ELOA: variants seen among roughly 807,000 people sequenced by gnomAD.
The protein encoded by ELOA is elongin A, also known as elongin-A.
In ELOA, 15 loss-of-function variants were observed where a neutral mutation model predicts 85.2. The observed-to-expected ratio is 0.18, with a 90% CI of 0.12 to 0.27. The LOEUF is 0.27. Among genes scored for constraint, ELOA ranks in the 10% least tolerant of loss-of-function variants. The pLI, the probability that ELOA is intolerant of heterozygous loss-of-function variation, is 1.00. For synonymous variants in ELOA, 348 were observed against 357.2 expected, an observed-to-expected ratio of 0.97 and a Z score of 0.29; for missense variants, 769 against 952.7, an observed-to-expected ratio of 0.81 and a Z score of 2.54.
intron 8 of ELOA, 49 bp downstream of exon 8, chr1:23,756,072 G>C: frequency 6.3e-7 from 1 of 1,591,162 alleles, no homozygotes; most frequent in South Asian, 1.1e-5. Flanking sequence ...TGAGTGTTCT[G>C]GTCAATAGCA....
Position 23,754,127 on chromosome 1 carries a change from A to C in ELOA, c.1565A>C (p.Glu522Ala), listed in dbSNP as rs144826294. 374 of 1,614,202 alleles carry C rather than the reference A, an allele frequency of 2.3e-4. 3 individuals carry two copies. Among genetic ancestry groups the C allele is most frequent in the African/African-American group, 1.6e-3 (119 of 75,050 alleles). The stretch of plus-strand genomic sequence containing the variant: ...TTCTCTTCACCCCAGGAAGAAGAAG[A>C]AGCTGGATTTACTGGGCGCAGAATG... ...KAFSSPQEEE[E>A]AGFTGRRMNS... The change falls in exon 6 of 11, where the codon GAA (glutamate) becomes GCA (alanine). Residue 522 changes from glutamate (E) to alanine (A), a missense_variant. Glu to Ala is a moderately radical substitution (Grantham distance 107). Coordinates refer to ENST00000613537, the MANE Select transcript of ELOA (RefSeq NM_003198.3).
Position 23,756,269 on chromosome 1 carries a change from C to A in ELOA, c.1973-5C>A. The stretch of plus-strand genomic sequence containing the variant: ...AGGCAGATGTTCATCTCCATAATTC[C>A]ACAGGCCGACAAGCAAAGATGGCCT... On this transcript the variant is annotated splice_polypyrimidine_tract_variant and splice_region_variant and intron_variant, in intron 8 of 10. Transcript: ENST00000613537. 1.3e-6 allele frequency: 2 copies of A among 1,551,638 alleles called. No homozygotes were observed. Among genetic ancestry groups the A allele is most frequent in the Non-Finnish European group, 1.7e-6 (2 of 1,148,356 alleles).
At chr1:23,746,058 G>A (rs1486339937) in intron 1 of ELOA, among the ~76,000 whole-genome samples, 1 of 151,738 alleles carries the variant, frequency 6.6e-6, no homozygotes, top group East Asian at 1.9e-4. Flanking sequence ...GGAGGCCGAG[G>A]TGAGTAGATC....
chr1:23,746,033 A>G (rs1357241755), intron 1 of ELOA, among the ~76,000 whole-genome samples: 1 of 152,156 alleles, frequency 6.6e-6, no homozygotes, highest in Non-Finnish European at 1.5e-5. Context: ...TCACACCTGT[A>G]ATCCCAGCAC....
At chr1:23,749,217 A>G in intron 2 of ELOA, 140 bp downstream of exon 2, 3 of 742,666 alleles carry the variant, frequency 4.0e-6, no homozygotes, top group South Asian at 3.5e-5. Flanking sequence ...GTCTGATTCC[A>G]TTTATATGAA....
At position 23,754,403 on chromosome 1, in the gene ELOA, A is replaced by T; in HGVS notation, c.1734A>T (p.Glu578Asp). 6.2e-7 allele frequency: 1 copy of T among 1,614,006 alleles called. No homozygotes were observed. Among genetic ancestry groups the T allele is most frequent in the Non-Finnish European group, 8.5e-7 (1 of 1,179,994 alleles). The change falls in exon 7 of 11, where the codon GAA becomes GAT. Residue 578 changes from glutamate (E) to aspartate (D), a missense_variant. Glu to Asp is a conservative substitution (Grantham distance 45). Transcript: ENST00000613537. The stretch of plus-strand genomic sequence containing the variant: ...GAGGAGTCCCATACTCTGTTCTTGA[A>T]CCCGTTTTGGAGAGGTGTACACCTG... ...EVGGVPYSVLEPVLERCTPDQ... is the reference protein window; with the variant it reads ...EVGGVPYSVLDPVLERCTPDQ...
intron 4 of ELOA, 29 bp from the exon 5 acceptor site, chr1:23,752,378 C>T (rs1644775225): frequency 6.2e-7 from 1 of 1,600,148 alleles, no homozygotes; most frequent in Non-Finnish European, 8.6e-7. Context: ...TACTCACTGA[C>T]TCTCCACCCA....
In ELOA at chr1:23,751,571, C is replaced by T; in HGVS notation, c.966C>T (p.Asp322=). The T allele has an allele frequency of 1.2e-6, 2 of 1,614,166 alleles. No individual in the cohort carries two copies. Among genetic ancestry groups the T allele is most frequent in the Non-Finnish European group, 1.7e-6 (2 of 1,180,034 alleles). The stretch of plus-strand genomic sequence containing the variant: ...TGCCTCCCTCAGAGGCCGCTTCAGA[C>T]AACCACCTGAAAAAGCCAAAGCACA... ...KCLPPSEAAS[D]NHLKKPKHRD... is the part of the protein sequence containing the mutation. The change falls in exon 4 of 11, where the codon GAC becomes GAT. Residue 322 remains aspartate (D), a synonymous_variant. Coordinates refer to ENST00000613537, the MANE Select transcript of ELOA (RefSeq NM_003198.3).
chr1:23,756,801 C>G, intron 9 of ELOA, 152 bp from the exon 10 acceptor site: 1 of 680,796 alleles, frequency 1.5e-6, no homozygotes, highest in Admixed American at 2.9e-5. Flanking sequence ...ATGGAGACAT[C>G]TCTGAGCCAC....
At chr1:23,749,599 T>C (rs1362505559) in intron 2 of ELOA, among the ~76,000 whole-genome samples, 2 of 152,230 alleles carry the variant, frequency 1.3e-5, no homozygotes, top group African/African-American at 2.4e-5. Flanking sequence ...GCTCTTATCT[T>C]AGTGCCTAAC....
chr1:23,754,440 C>T lies in ELOA; in HGVS notation c.1771C>T (p.Arg591Cys). The T allele has an allele frequency of 6.2e-7, 1 of 1,613,938 alleles. No homozygotes were observed. Among genetic ancestry groups the T allele is most frequent in the East Asian group, 2.2e-5 (1 of 44,884 alleles). The change falls in exon 7 of 11, where the codon CGC (arginine) becomes TGC (cysteine). Residue 591 changes from arginine (R) to cysteine (C), a missense_variant. This residue lies in a region of ELOA where 193 missense variants were observed against 278.9 expected (regional missense o/e 0.69). Coordinates refer to ENST00000613537, the MANE Select transcript of ELOA (RefSeq NM_003198.3). ...LERCTPDQLY[R>C]IEEYNHVLIE... Reference sequence around the variant, plus strand: ...GAGGTGTACACCTGATCAGCTGTATCGCATAGAGGAATACAATCATGTGAG... The same window carrying T: ...GAGGTGTACACCTGATCAGCTGTATTGCATAGAGGAATACAATCATGTGAG...
intron 10 of ELOA, among the ~76,000 whole-genome samples, chr1:23,758,255 A>ATTTTTTTTTTTTTTTTATTTTTTTT (rs1638235539): frequency 3.3e-4 from 12 of 36,220 alleles, no homozygotes; most frequent in African/African-American, 1.8e-3. Context: ...CAATTTATTT[A>ATTTTTTTTTTTTTTTTATTTTTTTT]TTTATTTTTT....
chr1:23,759,471 G>C, intron 10 of ELOA, 41 bp from the exon 11 acceptor site: 1 of 1,610,362 alleles, frequency 6.2e-7, no homozygotes, highest in African/African-American at 1.3e-5. Context: ...TGTCTAAGCC[G>C]CCACAGATCT....
At chr1:23,743,739 T>C (rs1644733641) in intron 1 of ELOA, among the ~76,000 whole-genome samples, 161 bp downstream of exon 1, 1 of 151,996 alleles carries the variant, frequency 6.6e-6, no homozygotes, top group African/African-American at 2.4e-5. Flanking sequence ...TGCCCGCGCG[T>C]TGGGACCCCG....
In ELOA at chr1:23,756,029, A is replaced by G. The variant is rs1170488765; in HGVS notation, c.1972+6A>G. ...ACATGCCAATAAGCCCAAAGGTAAC[A>G]GAGACGGGAGAGCTGGGGGAGAACT... On this transcript the variant is annotated splice_donor_region_variant and intron_variant, in intron 8 of 10. Transcript: ENST00000613537. The G allele has an allele frequency of 1.2e-6, 2 of 1,610,180 alleles. No homozygotes were observed. Among genetic ancestry groups the G allele is most frequent in the African/African-American group, 2.7e-5 (2 of 74,652 alleles).
intron 1 of ELOA, among the ~76,000 whole-genome samples, chr1:23,744,509 A>C (rs1644738305): frequency 6.7e-6 from 1 of 148,936 alleles, no homozygotes; most frequent in South Asian, 2.1e-4. Flanking sequence ...GCTGGAGTAC[A>C]GTGGCGCGAT....
chr1:23,743,585 G>C lies in ELOA; in HGVS notation c.75+7G>C, dbSNP rs1316414323. 2 of 1,482,560 alleles carry C rather than the reference G, an allele frequency of 1.3e-6. No homozygotes were observed. The highest frequency in any genetic ancestry group is 8.9e-7 in the Non-Finnish European group (1 of 1,120,514). The allele number at this position is 1,482,560 out of a possible 1,614,324, so 91.8% of individuals were successfully genotyped here. ...GAACCCGGACCCTAAGAAGGTAAGC[G>C]AGGGGGCGGCGCGTAGCGGGATGGG... On this transcript the variant is annotated splice_region_variant and intron_variant, in intron 1 of 10. Coordinates refer to ENST00000613537, the MANE Select transcript of ELOA (RefSeq NM_003198.3).
At chr1:23,743,857 G>A (rs1644734424) in intron 1 of ELOA, among the ~76,000 whole-genome samples, 1 of 152,170 alleles carries the variant, frequency 6.6e-6, no homozygotes, top group Non-Finnish European at 1.5e-5. Flanking sequence ...TCCTCCCAGA[G>A]GCGCTCCGTG....
intron 7 of ELOA, 109 bp from the exon 8 acceptor site, chr1:23,755,734 T>C: frequency 9.0e-7 from 1 of 1,113,596 alleles, no homozygotes; most frequent in Non-Finnish European, 1.2e-6. Flanking sequence ...GAACCAAAAT[T>C]GCACCACTGC....
Sources: allele counts gnomAD v4.1 joint callset (sites outside exome capture counted in the v4.1 genomes callset), GRCh38; gene constraint gnomAD v4.1.1; regional missense constraint gnomAD v4.1.1; transcripts MANE v1.5; gene names NCBI Gene and HGNC (gene_info 2026-07-23, HGNC 2026-07-21).